ATAD3C: variants seen among roughly 807,000 people sequenced by gnomAD.
The protein encoded by ATAD3C is ATPase family AAA domain-containing protein 3C.
Under a neutral mutation model 46.3 loss-of-function variants are expected in ATAD3C, and 38 were observed. The ratio of observed to expected loss-of-function variants is 0.82; its 90% CI spans 0.63 to 1.08. The LOEUF (loss-of-function observed/expected upper bound fraction) is 1.08. Among genes scored for constraint, ATAD3C ranks in the 50% least tolerant of loss-of-function variants. ATAD3C has a pLI of 0.00. For missense variants in ATAD3C, 563 were observed against 572.7 expected, an observed-to-expected ratio of 0.98 and a Z score of 0.17; for synonymous variants, 220 against 236.4, an observed-to-expected ratio of 0.93 and a Z score of 0.63.
intron 1 of ATAD3C, among the ~76,000 whole-genome samples, 195 bp from the exon 2 acceptor site, chr1:1,451,851 C>T (rs1638864839): frequency 6.6e-6 from 1 of 152,048 alleles, no homozygotes; most frequent in Non-Finnish European, 1.5e-5. Context: ...GTTTGGGCCC[C>T]TGAACCCATC....
At chr1:1,463,565 G>A (rs1639103434) in intron 11 of ATAD3C, among the ~76,000 whole-genome samples, 1 of 151,976 alleles carries the variant, frequency 6.6e-6, no homozygotes, top group Non-Finnish European at 1.5e-5. Flanking sequence ...GTCAGCTGAG[G>A]TCTCTGTTCC....
Position 1,449,729 on chromosome 1 carries a change from T to C in ATAD3C, c.-955T>C, listed in dbSNP as rs1017466368. 8.5e-5 allele frequency: 13 copies of C among 152,094 alleles called. No individual in the cohort carries two copies. The East Asian group carries it at 2.3e-3, about 27-fold the overall frequency. The allele number at this position is 152,094 out of a possible 1,614,324, so 9.4% of individuals were successfully genotyped here. A position where few individuals can be genotyped will look rare whatever the true frequency, so the allele number is the denominator to read the frequency against. ...CCCAAGGTCCTGCATATTTTCTCAA[T>C]GGGCCACCGCGCCCGGCCAGAAGAT... On this transcript the variant is annotated 5_prime_UTR_variant, in exon 1 of 12. The change abolishes an upstream ATG in the 5' untranslated region. Transcript: ENST00000378785.
intron 3 of ATAD3C, 45 bp from the exon 4 acceptor site, chr1:1,454,300 A>C (rs1465155669): frequency 3.8e-6 from 6 of 1,569,266 alleles, no homozygotes; most frequent in Non-Finnish European, 4.3e-6. Flanking sequence ...TCTAGGAGGG[A>C]GGGACGGTGG....
rs749228996 is a variant in ATAD3C, at chr1:1,457,192, T to C, written c.741+12T>C. Reference sequence around the variant, plus strand: ...GGAAGCGAGCCACTGTGAGTGTCACTAAGCCTCTGTCTGGCCACAGGAGGG... The same window carrying C: ...GGAAGCGAGCCACTGTGAGTGTCACCAAGCCTCTGTCTGGCCACAGGAGGG... On this transcript the variant is annotated intron_variant, in intron 8 of 11. Coordinates refer to ENST00000378785, the MANE Select transcript of ATAD3C (RefSeq NM_001039211.3). The C allele has an allele frequency of 1.2e-6, 2 of 1,613,378 alleles. No homozygotes were observed.
At chr1:1,455,996 C>A (rs1475292490) in intron 6 of ATAD3C, 80 bp downstream of exon 6, 1 of 1,596,552 alleles carries the variant, frequency 6.3e-7, no homozygotes, top group Non-Finnish European at 8.5e-7. Context: ...GGCTCAGCTG[C>A]CTGGGGAATG....
intron 9 of ATAD3C, among the ~76,000 whole-genome samples, chr1:1,460,298 G>C (rs565645466): frequency 2.6e-5 from 4 of 151,896 alleles, no homozygotes; most frequent in Non-Finnish European, 5.9e-5. Context: ...GTCAGCTGGT[G>C]TTGAACTCCA....
At chr1:1,460,240 TTTTTTGTA>T (rs1247793301) in intron 9 of ATAD3C, among the ~76,000 whole-genome samples, 4 of 151,776 alleles carry the variant, frequency 2.6e-5, no homozygotes, top group African/African-American at 9.7e-5. Flanking sequence ...ACCCGGCTGA[TTTTTTGTA>T]TTTTTTCTTT....
rs1166590231 is a variant in ATAD3C at position 1,459,142 on chromosome 1, T to C, written c.742-19T>C. 6.2e-7 allele frequency: 1 copy of C among 1,605,426 alleles called. No homozygotes were observed. Reference sequence around the variant, plus strand: ...AGGCTTTGCTCCTGGTGCCTAAGGCTGGAACCTTCTCTCTGCAGGAGAAGA... The same window carrying C: ...AGGCTTTGCTCCTGGTGCCTAAGGCCGGAACCTTCTCTCTGCAGGAGAAGA... On this transcript the variant is annotated intron_variant, in intron 8 of 11. Coordinates refer to ENST00000378785, the MANE Select transcript of ATAD3C (RefSeq NM_001039211.3). This position sits in a 1 kb window ranked among gnomAD's most constrained non-coding sequence, Gnocchi z 4.9.
rs1024711548 is a variant in ATAD3C, at chr1:1,462,161, C to T, written c.981-439C>T. On this transcript the variant is annotated intron_variant, in intron 10 of 11. Transcript: ENST00000378785. This position sits in a 1 kb window ranked among gnomAD's most constrained non-coding sequence, Gnocchi z 4.5. ...TCCCCTGCCGACCCCTCCACTGCCG[C>T]CTGCTCCATGCTAGACCAGCTTTCC... 2.0e-5 allele frequency among the ~76,000 whole-genome samples: 3 copies of T among 152,072 alleles called. No homozygotes were observed. The highest frequency in any genetic ancestry group is 2.9e-5 in the Non-Finnish European group (2 of 67,986).
At chr1:1,458,891 T>C (rs1639010721) in intron 8 of ATAD3C, among the ~76,000 whole-genome samples, 1 of 151,756 alleles carries the variant, frequency 6.6e-6, no homozygotes, top group East Asian at 1.9e-4. Flanking sequence ...TGGCTAATTT[T>C]TGTATTTTTA....
chr1:1,464,102 G>A (rs1286447452), intron 11 of ATAD3C, among the ~76,000 whole-genome samples: 1 of 151,506 alleles, frequency 6.6e-6, no homozygotes, highest in Non-Finnish European at 1.5e-5. Context: ...AGCTACTCGG[G>A]AGGCTGAGGC....
rs374211185 is a variant in ATAD3C, at chr1:1,455,903, C to T, written c.551C>T (p.Thr184Met). 35 of 1,613,234 alleles carry T rather than the reference C, an allele frequency of 2.2e-5. No individual in the cohort carries two copies. The highest frequency in any genetic ancestry group is 5.0e-5 in the Admixed American group (3 of 59,966). Residue 184 changes from threonine to methionine, a missense_variant, in exon 6 of 12, where the codon ACG (threonine) becomes ATG (methionine). By Grantham distance (81) the Thr-to-Met change is moderately conservative. This residue lies in a region of ATAD3C where 27 missense variants were observed against 76.2 expected (regional missense o/e 0.35). Coordinates refer to ENST00000378785, the MANE Select transcript of ATAD3C (RefSeq NM_001039211.3). ...TACGGGCCACCAGGCACCGGGAAGA[C>T]GCTGTTTGCCAAGGTGAGAGTGCCT... is the stretch of plus-strand genomic sequence containing the variant. ...LLYGPPGTGKTLFAKKLALHS... is the reference protein window; with the variant it reads ...LLYGPPGTGKMLFAKKLALHS...
At chr1:1,451,903 T>C in intron 1 of ATAD3C, 143 bp from the exon 2 acceptor site, 5 of 1,359,408 alleles carry the variant, frequency 3.7e-6, no homozygotes, top group Non-Finnish European at 4.9e-6. Context: ...CCCGTGTCTG[T>C]GTCAGGGTGC....
In ATAD3C at chr1:1,459,681, C is replaced by T. The variant is rs1291152706; in HGVS notation, c.812+450C>T. 6.6e-6 allele frequency among the ~76,000 whole-genome samples: 1 copy of T among 151,810 alleles called. No individual in the cohort carries two copies. Among genetic ancestry groups the T allele is most frequent in the African/African-American group, 2.4e-5 (1 of 41,262 alleles). On this transcript the variant is annotated intron_variant, in intron 9 of 11. Transcript: ENST00000378785. The surrounding 1 kb of genome is among the most constrained non-coding windows in gnomAD (Gnocchi z 4.9). The stretch of plus-strand genomic sequence containing the variant: ...TCGGGGCGGAACCTGGGACCTTGGT[C>T]CCCCGCCCGGATGCTGGCCAAGGGT...
Position 1,450,582 on chromosome 1 carries a change from G to A in ATAD3C, c.-102G>A, listed in dbSNP as rs186323347. On this transcript the variant is annotated 5_prime_UTR_variant, in exon 1 of 12. It adds an upstream start codon to the 5' untranslated region. Coordinates refer to ENST00000378785, the MANE Select transcript of ATAD3C (RefSeq NM_001039211.3). ...GGGCTGGGGGCTTTGAGGTCGAGGC[G>A]TGGCCGTGGATTCCAGAAAGCCCCT... 1.6e-4 allele frequency: 232 copies of A among 1,452,634 alleles called. No individual in the cohort carries two copies. In the African/African-American group the frequency reaches 2.7e-3, roughly 17 times the overall value. 90.0% of individuals were successfully genotyped at this position (1,452,634 alleles called of 1,614,324 possible). A position where few individuals can be genotyped will look rare whatever the true frequency, so the allele number is the denominator to read the frequency against.
intron 1 of ATAD3C, among the ~76,000 whole-genome samples, 182 bp downstream of exon 1, chr1:1,450,940 G>A (rs982754004): frequency 1.3e-5 from 2 of 151,802 alleles, no homozygotes; most frequent in Non-Finnish European, 2.9e-5. Context: ...AGACGCTGCC[G>A]CAGAGCCGCC....
intron 11 of ATAD3C, among the ~76,000 whole-genome samples, 156 bp from the exon 12 acceptor site, chr1:1,468,228 C>T (rs1240728): frequency 1.3e-5 from 2 of 152,178 alleles, no homozygotes; most frequent in South Asian, 2.1e-4. Flanking sequence ...TGTCCACACA[C>T]GTGCTGGGCT....
intron 3 of ATAD3C, among the ~76,000 whole-genome samples, chr1:1,453,804 TA>T (rs1425951051): frequency 6.6e-6 from 1 of 151,578 alleles, no homozygotes; most frequent in Non-Finnish European, 1.5e-5. Flanking sequence ...CATGGCCAGC[TA>T]ACTTTTTGTA....
rs1202836581 is a variant in ATAD3C at position 1,454,263 on chromosome 1, G to T, written c.223-82G>T. 21 of 1,502,124 alleles carry T rather than the reference G, an allele frequency of 1.4e-5. No homozygotes were observed. The Admixed American group carries it at 3.9e-4, about 28-fold the overall frequency. The allele number at this position is 1,502,124 out of a possible 1,614,324, so 93.0% of individuals were successfully genotyped here. ...TGCTTCTCCCTCAGGCGGAGAGAGGGTGGGGGCAGCCCCGTGCGTCTCCTG... is the reference window on the plus strand; with the variant it reads ...TGCTTCTCCCTCAGGCGGAGAGAGGTTGGGGGCAGCCCCGTGCGTCTCCTG... On this transcript the variant is annotated intron_variant, in intron 3 of 11. Coordinates refer to ENST00000378785, the MANE Select transcript of ATAD3C (RefSeq NM_001039211.3).
Sources: allele counts gnomAD v4.1 joint callset (sites outside exome capture counted in the v4.1 genomes callset), GRCh38; gene constraint gnomAD v4.1.1; regional missense constraint gnomAD v4.1.1; non-coding constraint Gnocchi (gnomAD v3.1); transcripts MANE v1.5; gene names NCBI Gene and HGNC (gene_info 2026-07-23, HGNC 2026-07-21).